DENND4A: variants seen among roughly 807,000 people sequenced by gnomAD.
The protein encoded by DENND4A is DENN domain containing 4A, also known as C-myc promoter-binding protein.
Under a neutral mutation model 199.3 loss-of-function variants are expected in DENND4A, and 70 were observed. The observed-to-expected ratio is 0.35, with a 90% CI of 0.29 to 0.43. The LOEUF is 0.43. Ranked by LOEUF, DENND4A falls within the 20% of genes least tolerant of loss-of-function variation. DENND4A has a pLI of 1.00. For synonymous variants in DENND4A, 686 were observed against 766.9 expected, an observed-to-expected ratio of 0.89 and a Z score of 1.74; for missense variants, 1,723 against 2,255.8, an observed-to-expected ratio of 0.76 and a Z score of 4.78.
intron 10 of DENND4A, 108 bp downstream of exon 10, chr15:65,729,426 T>C: frequency 6.8e-7 from 1 of 1,465,076 alleles, no homozygotes; most frequent in Non-Finnish European, 9.2e-7. Context: ...AAAACACAAA[T>C]TCATTACTCT....
At chr15:65,744,545 C>T (rs2076338786) in intron 4 of DENND4A, among the ~76,000 whole-genome samples, 1 of 152,246 alleles carries the variant, frequency 6.6e-6, no homozygotes, top group Non-Finnish European at 1.5e-5. Flanking sequence ...ACAAGGCTCC[C>T]TCCACCCTGC....
At chr15:65,671,621 C>G (rs539633134) in intron 25 of DENND4A, among the ~76,000 whole-genome samples, 171 bp downstream of exon 25, 3 of 152,314 alleles carry the variant, frequency 2.0e-5, no homozygotes, top group South Asian at 2.1e-4. Context: ...AACCCCTGAC[C>G]TCAGGTGATC....
At chr15:65,759,870 TG>T (rs1413745941) in intron 2 of DENND4A, among the ~76,000 whole-genome samples, 1 of 152,276 alleles carries the variant, frequency 6.6e-6, no homozygotes, top group African/African-American at 2.4e-5. Context: ...TTTTATTTTA[TG>T]GATATACCAT....
intron 23 of DENND4A, among the ~76,000 whole-genome samples, chr15:65,686,008 CCTT>C (rs1175937843): frequency 6.6e-6 from 1 of 151,746 alleles, no homozygotes; most frequent in Non-Finnish European, 1.5e-5. Context: ...TATGCTGGGT[CCTT>C]CTATTTTCTA....
At chr15:65,744,700 C>T (rs1335943229) in intron 4 of DENND4A, among the ~76,000 whole-genome samples, 2 of 152,128 alleles carry the variant, frequency 1.3e-5, no homozygotes, top group African/African-American at 4.8e-5. Context: ...GTGGGTAGCT[C>T]TGAGAGACTC....
At chr15:65,704,321 G>GA (rs200522683) in intron 15 of DENND4A, among the ~76,000 whole-genome samples, 1 of 151,904 alleles carries the variant, frequency 6.6e-6, no homozygotes, top group Non-Finnish European at 1.5e-5. Context: ...GTAGTCTGAA[G>GA]AAAAAAACCG....
At chr15:65,676,799 C>A (rs900376164) in intron 23 of DENND4A, among the ~76,000 whole-genome samples, 165 bp from the exon 24 acceptor site, 1 of 152,136 alleles carries the variant, frequency 6.6e-6, no homozygotes, top group African/African-American at 2.4e-5. Flanking sequence ...CAAAGGCATG[C>A]TAATTTGGAC....
chr15:65,661,732 T>C lies in DENND4A; in HGVS notation c.*119A>G, dbSNP rs539833415. 5.5e-6 allele frequency: 5 copies of C among 910,550 alleles called. No homozygotes were observed. The highest frequency in any genetic ancestry group is 3.3e-5 in the African/African-American group (2 of 59,986). The allele number at this position is 910,550 out of a possible 1,614,324, so 56.4% of individuals were successfully genotyped here. ...TCTGTACATAAGCTGTCTGAGTCTT[T>C]TGAACCATTTACAAATTGTATTTTC... On this transcript the variant is annotated 3_prime_UTR_variant, in exon 33 of 33. Coordinates refer to ENST00000443035, the MANE Select transcript of DENND4A (RefSeq NM_001320835.1).
In DENND4A at chr15:65,710,163, C is replaced by T. The variant is rs1226644806; in HGVS notation, c.1954-3939G>A. ...CGTAATACCCTAGTTAGCAAAATTA[C>T]AAATCTTGTATATCTTAGATATTAA... On this transcript the variant is annotated intron_variant, in intron 14 of 32. Transcript: ENST00000443035. Among the ~76,000 whole-genome samples the T allele has an allele frequency of 3.3e-5, 5 of 152,138 alleles. No individual in the cohort carries two copies. In the East Asian group the frequency reaches 7.7e-4, roughly 23 times the overall value.
At chr15:65,681,897 C>G (rs2076590308) in intron 23 of DENND4A, among the ~76,000 whole-genome samples, 1 of 152,196 alleles carries the variant, frequency 6.6e-6, no homozygotes, top group Non-Finnish European at 1.5e-5. Flanking sequence ...TCTTGCATGA[C>G]TAGGTGCATT....
chr15:65,685,768 CATTT>C (rs2076755972), intron 23 of DENND4A, among the ~76,000 whole-genome samples: 1 of 152,172 alleles, frequency 6.6e-6, no homozygotes, highest in South Asian at 2.1e-4. Flanking sequence ...ATCTCAGCAC[CATTT>C]TTTGACAAAA....
chr15:65,771,237 C>G, intron 1 of DENND4A: 1 of 1,603,220 alleles, frequency 6.2e-7, no homozygotes, highest in South Asian at 1.1e-5. Context: ...CTCAAGGCAT[C>G]TGACTTCCTT....
intron 1 of DENND4A, among the ~76,000 whole-genome samples, chr15:65,786,654 T>C (rs2077573643): frequency 6.6e-6 from 1 of 152,310 alleles, no homozygotes; most frequent in East Asian, 1.9e-4. Flanking sequence ...GACACCTCTA[T>C]CATCCCTATG....
At chr15:65,692,755 G>T (rs895506485) in intron 22 of DENND4A, among the ~76,000 whole-genome samples, 1 of 152,054 alleles carries the variant, frequency 6.6e-6, no homozygotes, top group Non-Finnish European at 1.5e-5. Context: ...CTGCTTGACA[G>T]GTTAAATATT....
In DENND4A at chr15:65,697,283, C is replaced by T; in HGVS notation, c.2934G>A (p.Gly978=). Residue 978 remains glycine, a synonymous_variant, in exon 21 of 33, where the codon GGG becomes GGA. Transcript: ENST00000443035. ...AATACCTACAGGAACTACAATCACTCCCTTTTTTATCTTTTTCTTCTTGAA... is the reference window on the plus strand; with the variant it reads ...AATACCTACAGGAACTACAATCACTTCCTTTTTTATCTTTTTCTTCTTGAA... ...EDIQEEKDKK[G]SDCSSLSESE... The T allele has an allele frequency of 6.3e-7, 1 of 1,586,272 alleles. No homozygotes were observed.
intron 1 of DENND4A, chr15:65,771,595 T>C: frequency 6.2e-7 from 1 of 1,612,822 alleles, no homozygotes. Context: ...CTCTTTCCTC[T>C]TCTCTTTCAT....
chr15:65,788,402 T>A (rs1036357785), intron 1 of DENND4A, among the ~76,000 whole-genome samples: 1 of 152,210 alleles, frequency 6.6e-6, no homozygotes, highest in Non-Finnish European at 1.5e-5. Context: ...CACCTTCATC[T>A]AAATTACAAG....
In DENND4A at chr15:65,701,827, C is replaced by T. The variant is rs758640809; in HGVS notation, c.2494G>A (p.Val832Met). The T allele has an allele frequency of 5.6e-6, 9 of 1,613,644 alleles. No homozygotes were observed. In the Admixed American group the frequency reaches 6.7e-5, roughly 12 times the overall value. ...CCAGCTTTCTGCATTTCAAAAAGCACTCGAACTGCAAGCACTGGCTGATCA... is the reference window on the plus strand; with the variant it reads ...CCAGCTTTCTGCATTTCAAAAAGCATTCGAACTGCAAGCACTGGCTGATCA... ...QYDQPVLAVR[V>M]LFEMQKAGID... is the part of the protein sequence containing the mutation. The change falls in exon 18 of 33, where the codon GTG (valine) becomes ATG (methionine). Residue 832 changes from valine (V) to methionine (M), a missense_variant. By Grantham distance (21) the Val-to-Met change is conservative (BLOSUM62 1). This residue lies in a region of DENND4A where 36 missense variants were observed against 85.7 expected (regional missense o/e 0.42). Coordinates refer to ENST00000443035, the MANE Select transcript of DENND4A (RefSeq NM_001320835.1).
At chr15:65,709,510 A>C (rs2142291146) in intron 14 of DENND4A, among the ~76,000 whole-genome samples, 1 of 151,844 alleles carries the variant, frequency 6.6e-6, no homozygotes, top group Admixed American at 6.6e-5. Context: ...GTTTGAGACC[A>C]ACCTGACCAA....
Sources: gnomAD v4.1 joint callset for allele counts (sites outside exome capture counted in the v4.1 genomes callset) on GRCh38, gnomAD v4.1.1 for gene constraint, gnomAD v4.1.1 regional missense constraint, MANE v1.5 for transcripts, NCBI Gene and HGNC (gene_info 2026-07-23, HGNC 2026-07-21) for gene names.